OIP5: variants seen among roughly 807,000 people sequenced by gnomAD.
OIP5 encodes the protein Opa interacting protein 5.
Under a neutral mutation model 20.3 loss-of-function variants are expected in OIP5, and 24 were observed. That is an observed-to-expected ratio of 1.18 (90% CI 0.86 to 1.66). The LOEUF is 1.66. OIP5 is among the 40% of genes most tolerant of loss of function. The probability of loss-of-function intolerance (pLI) is 0.00; values close to 1 mark genes in which losing one functional copy is unlikely to be tolerated. For missense variants in OIP5, 339 were observed against 289.5 expected, an observed-to-expected ratio of 1.17 and a Z score of -1.24; for synonymous variants, 143 against 121.3, an observed-to-expected ratio of 1.18 and a Z score of -1.17.
rs2047854447 is a variant in OIP5 at position 41,325,277 on chromosome 15, C to G, written c.390-5497G>C. ...AAAATTAGCCGGGTGTGGTGGCGGG[C>G]CCCTGTAAGTCCCAGCTACTCGGGA... On this transcript the variant is annotated intron_variant, in intron 2 of 4. Coordinates refer to ENST00000220514, the MANE Select transcript of OIP5 (RefSeq NM_007280.2). 4.6e-5 allele frequency among the ~76,000 whole-genome samples: 7 copies of G among 152,058 alleles called. No individual in the cohort carries two copies. The South Asian group carries it at 1.5e-3, about 32-fold the overall frequency.
chr15:41,311,709 G>A (rs1205895074), intron 4 of OIP5, among the ~76,000 whole-genome samples: 1 of 151,010 alleles, frequency 6.6e-6, no homozygotes, highest in South Asian at 2.1e-4. Flanking sequence ...CTGGGGCTGG[G>A]ATTATAGGCG....
rs367621399 is a variant in OIP5 at position 41,319,715 on chromosome 15, T to G, written c.455A>C (p.His152Pro). 31 of 1,613,748 alleles carry G rather than the reference T, an allele frequency of 1.9e-5. No homozygotes were observed. The highest frequency in any genetic ancestry group is 2.5e-5 in the Non-Finnish European group (29 of 1,179,852). The change falls in exon 3 of 5, where the codon CAT becomes CCT. Residue 152 changes from histidine to proline, a missense_variant. Transcript: ENST00000220514. ...ACCTCTCAAGGCAGCCAGGGCAGCA[T>G]GGGTAGAATACAGATGGAAACCAAC... The part of the protein sequence containing the change: ...IPVGFHLYST[H>P]AALAALRGHF...
intron 2 of OIP5, among the ~76,000 whole-genome samples, chr15:41,329,140 G>A (rs1210755904): frequency 1.4e-5 from 2 of 147,084 alleles, no homozygotes; most frequent in Non-Finnish European, 3.0e-5. Context: ...TGCTCTTTTA[G>A]CTGCATCATT....
intron 2 of OIP5, among the ~76,000 whole-genome samples, chr15:41,325,325 G>C (rs184033769): frequency 1.2e-3 from 183 of 152,174 alleles, no homozygotes; most frequent in African/African-American, 4.3e-3. Context: ...AGAATGGTGT[G>C]AACCCAGGAG....
chr15:41,312,164 CTTTTT>C (rs1180916308), intron 4 of OIP5, among the ~76,000 whole-genome samples: 1 of 88,126 alleles, frequency 1.1e-5, no homozygotes, highest in African/African-American at 3.2e-5. Context: ...TTCTTTTTTT[CTTTTT>C]TTTTTTTTTG....
Position 41,309,850 on chromosome 15 carries a change from C to G in OIP5, c.595-1G>C, listed in dbSNP as rs747096194. On this transcript the variant is annotated splice_acceptor_variant, in intron 4 of 4. Coordinates refer to ENST00000220514, the MANE Select transcript of OIP5 (RefSeq NM_007280.2). LOFTEE classifies it high-confidence loss of function. ...GCGTTAGCACTATCTTCTCTTTCAGCTAGGAAGAGAAATATATAGATATCA... is the reference window on the plus strand; with the variant it reads ...GCGTTAGCACTATCTTCTCTTTCAGGTAGGAAGAGAAATATATAGATATCA... 6.3e-7 allele frequency: 1 copy of G among 1,595,108 alleles called. No individual in the cohort carries two copies. The highest frequency in any genetic ancestry group is 2.2e-5 in the East Asian group (1 of 44,776).
rs200589092 is a variant in OIP5 at position 41,309,821 on chromosome 15, T to C, written c.623A>G (p.Asn208Ser). The part of the protein sequence containing the change: ...ELKEKIVLTH[N>S]RLKSLMKILS... Reference sequence around the variant, plus strand: ...AATCTTCATTAGTGATTTTAAGCGATTGTGCGTTAGCACTATCTTCTCTTT... The same window carrying C: ...AATCTTCATTAGTGATTTTAAGCGACTGTGCGTTAGCACTATCTTCTCTTT... Residue 208 changes from asparagine (N) to serine (S), a missense_variant, in exon 5 of 5, where the codon AAT becomes AGT. Asn to Ser is a conservative substitution (Grantham distance 46, BLOSUM62 1). Transcript: ENST00000220514. 21 of 1,613,790 alleles carry C rather than the reference T, an allele frequency of 1.3e-5. No individual in the cohort carries two copies. Among genetic ancestry groups the C allele is most frequent in the East Asian group, 6.7e-5 (3 of 44,886 alleles).
chr15:41,330,213 CCTGGGATTACAGCCTAG>C (rs949082478), intron 2 of OIP5, among the ~76,000 whole-genome samples: 10 of 151,958 alleles, frequency 6.6e-5, no homozygotes, highest in Non-Finnish European at 1.5e-4. Flanking sequence ...TCCTCAGCCT[CCTGGGATTACAGCCTAG>C]CTGGGATTAC....
Position 41,321,863 on chromosome 15 carries a change from T to G in OIP5, c.390-2083A>C, listed in dbSNP as rs1448872753. 2.0e-5 allele frequency among the ~76,000 whole-genome samples: 3 copies of G among 150,554 alleles called. No individual in the cohort carries two copies. In the East Asian group the frequency reaches 5.8e-4, roughly 29 times the overall value. On this transcript the variant is annotated intron_variant, in intron 2 of 4. Coordinates refer to ENST00000220514, the MANE Select transcript of OIP5 (RefSeq NM_007280.2). Reference sequence around the variant, plus strand: ...GTTTATCTGCTGACCTTCCCTCCACTATTGTCCTATGACCCTGCCAAATCC... The same window carrying G: ...GTTTATCTGCTGACCTTCCCTCCACGATTGTCCTATGACCCTGCCAAATCC...
chr15:41,332,396 C>T lies in OIP5; in HGVS notation c.166G>A (p.Gly56Arg). The change falls in exon 1 of 5, where the codon GGG becomes AGG. Residue 56 changes from glycine (G) to arginine (R), a missense_variant. Gly to Arg is a moderately radical substitution (Grantham distance 125). Coordinates refer to ENST00000220514, the MANE Select transcript of OIP5 (RefSeq NM_007280.2). ...GSSPLGPAGL[G>R]AEEPAAGPQL... ...GGGCCGGCGGCTGGCTCCTCAGCCCCCAGCCCTGCGGGGCCGAGCGGCGAG... is the reference window on the plus strand; with the variant it reads ...GGGCCGGCGGCTGGCTCCTCAGCCCTCAGCCCTGCGGGGCCGAGCGGCGAG... 6.2e-7 allele frequency: 1 copy of T among 1,613,704 alleles called. No individual in the cohort carries two copies. The highest frequency in any genetic ancestry group is 8.5e-7 in the Non-Finnish European group (1 of 1,179,758).
chr15:41,318,776 C>T (rs995769470), intron 3 of OIP5, among the ~76,000 whole-genome samples: 5 of 150,080 alleles, frequency 3.3e-5, no homozygotes, highest in Admixed American at 2.7e-4. Flanking sequence ...CAAAATGTAA[C>T]CTTGAACTCC....
intron 2 of OIP5, among the ~76,000 whole-genome samples, chr15:41,324,523 CTT>C (rs972785892): frequency 1.3e-5 from 2 of 152,096 alleles, no homozygotes; most frequent in African/African-American, 4.8e-5. Flanking sequence ...GAGTTTCGCT[CTT>C]GTTGCCCAAG....
chr15:41,331,400 G>C (rs1263062871), intron 2 of OIP5, among the ~76,000 whole-genome samples: 2 of 152,072 alleles, frequency 1.3e-5, no homozygotes, highest in African/African-American at 4.8e-5. Flanking sequence ...TCAAGCGTGG[G>C]CAACATACTA....
Position 41,312,514 on chromosome 15 carries a change from C to A in OIP5, c.594+759G>T, listed in dbSNP as rs566315484. ...TCGCTCTGTTGCCCAGGCTGGAGTG[C>A]AGTGGCGCAGTCTCGGCTCACTGCA... On this transcript the variant is annotated intron_variant, in intron 4 of 4. Transcript: ENST00000220514. Among the ~76,000 whole-genome samples the A allele has an allele frequency of 8.3e-4, 127 of 152,100 alleles. 1 individual carries two copies. Among genetic ancestry groups the A allele is most frequent in the Non-Finnish European group, 1.5e-3 (100 of 67,984 alleles).
Position 41,332,523 on chromosome 15 carries a change from T to C in OIP5, c.39A>G (p.Ala13=), listed in dbSNP as rs371613700. 3.1e-6 allele frequency: 5 copies of C among 1,612,464 alleles called. No homozygotes were observed. Among genetic ancestry groups the C allele is most frequent in the African/African-American group, 2.7e-5 (2 of 74,862 alleles). Residue 13 remains alanine, a synonymous_variant, in exon 1 of 5, where the codon GCA becomes GCG. Transcript: ENST00000220514. ...CACAAAAGTCCCCCCGGGGCGGCGTTGCACAACGTGAGCGATGCCGCAGCG... is the reference window on the plus strand; with the variant it reads ...CACAAAAGTCCCCCCGGGGCGGCGTCGCACAACGTGAGCGATGCCGCAGCG... ...AQPLRHRSRC[A]TPPRGDFCGG...
At position 41,332,228 on chromosome 15, in the gene OIP5, C is replaced by T. The variant is rs2047933915; in HGVS notation, c.322+12G>A. On this transcript the variant is annotated intron_variant, in intron 1 of 4. Coordinates refer to ENST00000220514, the MANE Select transcript of OIP5 (RefSeq NM_007280.2). ...TAGCCTCTGCCTTTCCCGAACGCTT[C>T]ACTGCACTCACTGGAGAAGACCACG... 1 of 1,535,224 alleles carries T rather than the reference C, an allele frequency of 6.5e-7. No homozygotes were observed. The highest frequency in any genetic ancestry group is 1.4e-5 in the African/African-American group (1 of 72,534).
intron 2 of OIP5, among the ~76,000 whole-genome samples, chr15:41,330,822 C>G (rs7181982): frequency 0.21 from 32,263 of 152,084 alleles, 3,699 homozygotes; most frequent in Non-Finnish European, 0.25. Flanking sequence ...CTACATATGA[C>G]TAGTGATTAC....
rs138117192 is a variant in OIP5 at position 41,324,591 on chromosome 15, G to C, written c.390-4811C>G. ...TGCAACCTCCGCCTCCCGGGTTCAA[G>C]CAATTCTCCTGCCTCAGCCTCCCAA... On this transcript the variant is annotated intron_variant, in intron 2 of 4. Transcript: ENST00000220514. Among the ~76,000 whole-genome samples, 965 of 152,098 alleles carry C rather than the reference G, an allele frequency of 6.3e-3. 15 individuals are homozygous for C. The highest frequency in any genetic ancestry group is 0.022 in the African/African-American group (907 of 41,478).
chr15:41,330,624 C>CCT (rs1186866216), intron 2 of OIP5, among the ~76,000 whole-genome samples: 1 of 151,528 alleles, frequency 6.6e-6, no homozygotes, highest in Non-Finnish European at 1.5e-5. Context: ...AGGATGGTCT[C>CCT]GATTTCCTGA....
Sources: gnomAD v4.1 joint callset for allele counts (sites outside exome capture counted in the v4.1 genomes callset) on GRCh38, gnomAD v4.1.1 for gene constraint, MANE v1.5 for transcripts, NCBI Gene and HGNC (gene_info 2026-07-23, HGNC 2026-07-21) for gene names.